The following CDON variants were observed in gnomAD, a reference collection of about 807,000 sequenced individuals.
The protein encoded by CDON is cell adhesion molecule-related/down-regulated by oncogenes.
CDON carries 73 observed loss-of-function variants against 120.9 expected under a neutral mutation model. The ratio of observed to expected loss-of-function variants is 0.60; its 90% confidence interval spans 0.50 to 0.73. The LOEUF (loss-of-function observed/expected upper bound fraction) is 0.73. CDON is among the 30% of genes least tolerant of loss of function. CDON has a pLI of 0.00. For synonymous variants in CDON, 566 were observed against 573.5 expected (o/e 0.99, Z 0.19); for missense variants, 1,470 against 1,587.3 (o/e 0.93, Z 1.26).
intron 18 of CDON, among the ~76,000 whole-genome samples, chr11:125,967,161 A>T (rs1267223020): frequency 6.6e-6 from 1 of 152,244 alleles, no homozygotes; most frequent in African/African-American, 2.4e-5. Context: ...ATACAAACAT[A>T]TGAAGAAAAC....
Position 126,010,419 on chromosome 11 carries a change from G to T in CDON, c.1474C>A (p.Gln492Lys). Reference protein sequence around the residue: ...ASSLHIQAVTQEHAGKYICEA... With the variant: ...ASSLHIQAVTKEHAGKYICEA... ...CAGATGTATTTCCCCGCATGTTCCT[G>T]AGTCACAGCCTGAATATGGAGAGAG... The change falls in exon 8 of 20, where the codon CAG becomes AAG. Residue 492 changes from glutamine to lysine, a missense_variant. Gln to Lys is a moderately conservative substitution (Grantham distance 53). Transcript: ENST00000531738. 1 of 1,614,132 alleles carries T rather than the reference G, an allele frequency of 6.2e-7. No homozygotes were observed. The highest frequency in any genetic ancestry group is 8.5e-7 in the Non-Finnish European group (1 of 1,180,002).
intron 1 of CDON, among the ~76,000 whole-genome samples, chr11:126,026,339 C>T (rs903833229): frequency 1.3e-5 from 2 of 152,224 alleles, no homozygotes; most frequent in African/African-American, 4.8e-5. Flanking sequence ...GCCCCATGTT[C>T]CTGCTTAGCC....
chr11:126,027,877 T>C (rs955408250), intron 1 of CDON, among the ~76,000 whole-genome samples: 13 of 151,942 alleles, frequency 8.6e-5, no homozygotes, highest in Admixed American at 3.3e-4. Flanking sequence ...CTAGTGAACA[T>C]AACATTCAAA....
intron 18 of CDON, among the ~76,000 whole-genome samples, chr11:125,972,096 T>C (rs1946015748): frequency 6.6e-6 from 1 of 152,212 alleles, no homozygotes; most frequent in Non-Finnish European, 1.5e-5. Flanking sequence ...TGCTTCTTTC[T>C]AGGCATTCAT....
intron 1 of CDON, among the ~76,000 whole-genome samples, chr11:126,027,510 A>G (rs982636784): frequency 1.3e-5 from 2 of 152,234 alleles, no homozygotes; most frequent in Non-Finnish European, 2.9e-5. Flanking sequence ...ATGTGTGTGT[A>G]TATATACATG....
chr11:126,051,246 G>A (rs1392445955), intron 1 of CDON, among the ~76,000 whole-genome samples: 4 of 152,172 alleles, frequency 2.6e-5, no homozygotes, highest in Admixed American at 2.0e-4. Context: ...CTAGCCAAGT[G>A]TTATAGTTTC....
intron 1 of CDON, among the ~76,000 whole-genome samples, chr11:126,030,310 G>A (rs537838654): frequency 6.6e-6 from 1 of 152,302 alleles, no homozygotes; most frequent in East Asian, 1.9e-4. Context: ...TTTGGGAAAA[G>A]TCTTTCCTGA....
In CDON at chr11:126,018,354, T is replaced by C; in HGVS notation, c.616A>G (p.Ile206Val). The change falls in exon 5 of 20, where the codon ATT (isoleucine) becomes GTT (valine). Residue 206 changes from isoleucine (I) to valine (V), a missense_variant. Coordinates refer to ENST00000531738, the MANE Select transcript of CDON (RefSeq NM_001378964.1). The part of the protein sequence containing the change: ...PVTHQLKVEP[I>V]GRKLLVSRPS... ...CGACTCACAAGGAGCTTTCGGCCAA[T>C]AGGTTCAACTTTTAATTGATGTGTG... 1 of 1,613,946 alleles carries C rather than the reference T, an allele frequency of 6.2e-7. No individual in the cohort carries two copies. Among genetic ancestry groups the C allele is most frequent in the Non-Finnish European group, 8.5e-7 (1 of 1,179,890 alleles).
chr11:126,029,864 G>A (rs550591024), intron 1 of CDON, among the ~76,000 whole-genome samples: 12 of 152,194 alleles, frequency 7.9e-5, no homozygotes, highest in East Asian at 3.9e-4. Flanking sequence ...CAGTCTCTCC[G>A]GAAAAAGATT....
At chr11:126,026,331 C>T (rs1367425907) in intron 1 of CDON, among the ~76,000 whole-genome samples, 1 of 152,196 alleles carries the variant, frequency 6.6e-6, no homozygotes, top group Non-Finnish European at 1.5e-5. Flanking sequence ...CGAATCCTGC[C>T]CCATGTTCCT....
chr11:126,025,785 T>C (rs1391741330), intron 1 of CDON, among the ~76,000 whole-genome samples: 2 of 152,098 alleles, frequency 1.3e-5, no homozygotes, highest in Non-Finnish European at 2.9e-5. Flanking sequence ...AATTGAGCAA[T>C]TAAAAATGTA....
At chr11:126,015,070 T>C (rs1455599889) in intron 7 of CDON, 171 bp downstream of exon 7, 1 of 679,380 alleles carries the variant, frequency 1.5e-6, no homozygotes, top group Non-Finnish European at 2.5e-6. Context: ...ATAAGATTAC[T>C]TCTTCATGGA....
At chr11:126,039,733 T>C (rs1440356533) in intron 1 of CDON, among the ~76,000 whole-genome samples, 1 of 152,124 alleles carries the variant, frequency 6.6e-6, no homozygotes, top group African/African-American at 2.4e-5. Flanking sequence ...ATCACTCTTC[T>C]CAGCAGTGAC....
At chr11:125,996,049 C>T (rs1591366576) in intron 12 of CDON, among the ~76,000 whole-genome samples, 1 of 152,132 alleles carries the variant, frequency 6.6e-6, no homozygotes, top group East Asian at 1.9e-4. Context: ...TCATCACTGA[C>T]TCATGTCCAC....
intron 1 of CDON, among the ~76,000 whole-genome samples, chr11:126,047,787 C>T (rs2134884009): frequency 6.6e-6 from 1 of 152,282 alleles, no homozygotes; most frequent in South Asian, 2.1e-4. Context: ...CTAGTCTAAA[C>T]TGCTATAATA....
In CDON at chr11:125,997,275, T is replaced by C. The variant is rs370444323; in HGVS notation, c.2294A>G (p.Asn765Ser). Reference protein sequence around the residue: ...KVEYKRMRTSNWLVAAEDIPP... With the variant: ...KVEYKRMRTSSWLVAAEDIPP... ...GATGTCTTCAGCTGCCACCAGCCAA[T>C]TGCTGGTCCTCATCCGTTTATATTC... Residue 765 changes from asparagine (N) to serine (S), a missense_variant, in exon 12 of 20, where the codon AAT becomes AGT. Transcript: ENST00000531738. The C allele has an allele frequency of 3.1e-6, 5 of 1,614,194 alleles. No individual in the cohort carries two copies. Among genetic ancestry groups the C allele is most frequent in the East Asian group, 2.2e-5 (1 of 44,880 alleles).
At chr11:125,990,194 T>C (rs751639986) in intron 14 of CDON, among the ~76,000 whole-genome samples, 3 of 152,196 alleles carry the variant, frequency 2.0e-5, no homozygotes, top group African/African-American at 4.8e-5. Flanking sequence ...CCAGAGCAAC[T>C]GACCAGTTAC....
rs1364157157 is a variant in CDON, at chr11:125,957,072, G to C, written c.*3870C>G. On this transcript the variant is annotated 3_prime_UTR_variant, in exon 20 of 20. Transcript: ENST00000531738. ...TTTCTATCCTGAAGTTCATAAACAT[G>C]TGGCGCTCGGTTAATGGTAAAAATA... 1 of 157,088 alleles carries C rather than the reference G, an allele frequency of 6.4e-6. No homozygotes were observed. The highest frequency in any genetic ancestry group is 1.4e-5 in the Non-Finnish European group (1 of 72,532). The allele number at this position is 157,088 out of a possible 1,614,324, so 9.7% of individuals were successfully genotyped here.
intron 1 of CDON, among the ~76,000 whole-genome samples, chr11:126,057,713 C>T (rs960665545): frequency 3.3e-5 from 5 of 152,218 alleles, no homozygotes; most frequent in African/African-American, 1.2e-4. Flanking sequence ...TACACCTCAA[C>T]TGGAAAAAAA....
Sources: gnomAD v4.1 joint callset for allele counts (sites outside exome capture counted in the v4.1 genomes callset) on GRCh38, gnomAD v4.1.1 for gene constraint, MANE v1.5 for transcripts, NCBI Gene and HGNC (gene_info 2026-07-23, HGNC 2026-07-21) for gene names.